Variants in CORO7 observed in about 807,000 individuals in gnomAD.
CORO7 encodes the protein coronin 7, also known as coronin-7.
CORO7 carries 107 observed loss-of-function variants against 126.6 expected under a neutral mutation model. That is an observed-to-expected ratio of 0.85 (90% CI 0.72 to 0.99). The LOEUF (loss-of-function observed/expected upper bound fraction) is 0.99, where lower values mean the gene tolerates loss of function less well. Among genes scored for constraint, CORO7 ranks in the 50% least tolerant of loss-of-function variants. The pLI, the probability that CORO7 is intolerant of heterozygous loss-of-function variation, is 0.00. For synonymous variants in CORO7, 603 were observed against 536.8 expected, an observed-to-expected ratio of 1.12 and a Z score of -1.70; for missense variants, 1,314 against 1,255.8, an observed-to-expected ratio of 1.05 and a Z score of -0.70.
At chr16:4,411,547 T>TA (rs1308445730) in intron 3 of CORO7, among the ~76,000 whole-genome samples, 1 of 152,138 alleles carries the variant, frequency 6.6e-6, no homozygotes, top group Non-Finnish European at 1.5e-5. Context: ...ATATACTTTT[T>TA]AAAAATTTTT....
At chr16:4,415,599 C>T (rs2056379309) in intron 1 of CORO7, 1 of 420,940 alleles carries the variant, frequency 2.4e-6, no homozygotes, top group African/African-American at 2.2e-5. Context: ...AAATATAGTC[C>T]ACACTACAAA....
chr16:4,376,000 G>A (rs1372382375), intron 9 of CORO7, among the ~76,000 whole-genome samples: 1 of 152,212 alleles, frequency 6.6e-6, no homozygotes, highest in Non-Finnish European at 1.5e-5. Context: ...TCTGTGGAAT[G>A]AAGAGCGCCA....
At chr16:4,388,089 G>T (rs1309472159) in intron 8 of CORO7, 21 bp from the exon 9 acceptor site, 1 of 1,602,298 alleles carries the variant, frequency 6.2e-7, no homozygotes, top group Admixed American at 1.7e-5. Context: ...GGCGAGAGAG[G>T]GGCTCAGAGG....
At chr16:4,411,923 T>C (rs904374728) in intron 3 of CORO7, among the ~76,000 whole-genome samples, 1 of 151,970 alleles carries the variant, frequency 6.6e-6, no homozygotes, top group Non-Finnish European at 1.5e-5. Flanking sequence ...AAGGTCTCTT[T>C]GTGAGGGCCC....
rs2054116014 is a variant in CORO7 at position 4,360,155 on chromosome 16, C to T, written c.2108+123G>A. 3.1e-6 allele frequency: 4 copies of T among 1,271,166 alleles called. No homozygotes were observed. The Admixed American group carries it at 8.0e-5, about 26-fold the overall frequency. The allele number at this position is 1,271,166 out of a possible 1,614,324, so 78.7% of individuals were successfully genotyped here. ...CCCACTCATCCAATCATCTACCCAC[C>T]CACCCAACCATCCAGTGAGGGGCAG... On this transcript the variant is annotated intron_variant, in intron 21 of 27. Transcript: ENST00000251166.
At chr16:4,361,648 C>T (rs2141187205) in intron 16 of CORO7, 179 bp from the exon 17 acceptor site, 1 of 840,284 alleles carries the variant, frequency 1.2e-6, no homozygotes, top group Non-Finnish European at 1.9e-6. Flanking sequence ...GTGCCAACCA[C>T]AAGGCCCCAG....
At chr16:4,395,487 T>A in intron 6 of CORO7, 148 bp from the exon 7 acceptor site, 1 of 993,706 alleles carries the variant, frequency 1.0e-6, no homozygotes. Flanking sequence ...GCATCCCTCC[T>A]CAGCCCTGTT....
intron 6 of CORO7, 24 bp downstream of exon 6, chr16:4,405,467 G>T (rs750459812): frequency 4.4e-6 from 7 of 1,608,420 alleles, no homozygotes; most frequent in East Asian, 4.5e-5. Context: ...GAGCCCCACA[G>T]GGCATCCCCA....
rs767505758 is a variant in CORO7 at position 4,407,654 on chromosome 16, G to A, written c.334C>T (p.Gln112Ter). 3.7e-6 allele frequency: 6 copies of A among 1,603,446 alleles called. No homozygotes were observed. The highest frequency in any genetic ancestry group is 3.3e-5 in the South Asian group (3 of 90,170). The change falls in exon 5 of 28, where the codon CAG (glutamine) becomes TAG (stop). Residue 112 changes from glutamine to a stop codon, truncating the protein, a stop_gained. Coordinates refer to ENST00000251166, the MANE Select transcript of CORO7 (RefSeq NM_024535.5). LOFTEE classifies it high-confidence loss of function. ...ACCCCGGGTGCTGAGGGCAGGGCCT[G>A]GCCAGGCCCTGGCAGTCGCCAGAGT... ...VKLWRLPGPG[Q>*]ALPSAPGVVL...
chr16:4,403,551 T>C (rs532495600), intron 6 of CORO7, among the ~76,000 whole-genome samples: 2 of 152,216 alleles, frequency 1.3e-5, no homozygotes, highest in East Asian at 3.9e-4. Context: ...AACTTTAAGC[T>C]CTGGGTTTAG....
At chr16:4,405,624 T>G in intron 5 of CORO7, 57 bp from the exon 6 acceptor site, 9 of 1,537,954 alleles carry the variant, frequency 5.9e-6, no homozygotes, top group Non-Finnish European at 8.0e-6. Flanking sequence ...GGGAAGTGGG[T>G]GGGGGCGGGC....
chr16:4,387,819 C>T (rs987940808), intron 9 of CORO7, 167 bp downstream of exon 9: 10 of 806,794 alleles, frequency 1.2e-5, no homozygotes, highest in East Asian at 8.1e-5. Flanking sequence ...CTGGAAGCTC[C>T]GGGGGTACAG....
At chr16:4,359,247 A>C in intron 23 of CORO7, 49 bp downstream of exon 23, 3 of 1,528,930 alleles carry the variant, frequency 2.0e-6, no homozygotes, top group Non-Finnish European at 2.6e-6. Context: ...ACCAGGGGGC[A>C]GGGCAGCCTT....
intron 9 of CORO7, among the ~76,000 whole-genome samples, chr16:4,375,182 C>T (rs529895291): frequency 8.5e-5 from 13 of 152,310 alleles, no homozygotes; most frequent in African/African-American, 3.1e-4. Flanking sequence ...GGTCTCCCTG[C>T]CCTGGGCTAA....
At chr16:4,406,610 T>C (rs187909389) in intron 5 of CORO7, among the ~76,000 whole-genome samples, 29 of 151,810 alleles carry the variant, frequency 1.9e-4, no homozygotes, top group South Asian at 6.2e-4. Context: ...AAGAAGGTTT[T>C]TTTTTGGTTT....
intron 9 of CORO7, among the ~76,000 whole-genome samples, chr16:4,374,604 G>A (rs1449480021): frequency 1.3e-5 from 2 of 152,170 alleles, no homozygotes; most frequent in Non-Finnish European, 2.9e-5. Flanking sequence ...CCCCGAGCCC[G>A]GCTGGGCATT....
chr16:4,388,776 G>A (rs908258018), intron 7 of CORO7, 145 bp from the exon 8 acceptor site: 16 of 876,474 alleles, frequency 1.8e-5, no homozygotes, highest in South Asian at 1.3e-4. Context: ...CCTTCTCCAC[G>A]TCCCCACTGG....
chr16:4,355,177 C>A lies in CORO7; in HGVS notation c.2773-14G>T. On this transcript the variant is annotated splice_polypyrimidine_tract_variant and intron_variant, in intron 27 of 27. Coordinates refer to ENST00000251166, the MANE Select transcript of CORO7 (RefSeq NM_024535.5). ...CGCAGGCTAGTCCTGGGGCGAAACACCAAGAGGTGGGAGGGAGTCAGGAGG... is the reference window on the plus strand; with the variant it reads ...CGCAGGCTAGTCCTGGGGCGAAACAACAAGAGGTGGGAGGGAGTCAGGAGG... The A allele has an allele frequency of 6.5e-7, 1 of 1,549,788 alleles. No individual in the cohort carries two copies. The highest frequency in any genetic ancestry group is 1.2e-5 in the South Asian group (1 of 81,988).
Position 4,358,121 on chromosome 16 carries a change from G to T in CORO7, c.2458-18C>A. On this transcript the variant is annotated intron_variant, in intron 24 of 27. Coordinates refer to ENST00000251166, the MANE Select transcript of CORO7 (RefSeq NM_024535.5). ...AACTCTTTCTGCAGAGGGAGAAACG[G>T]GCTGTCCTGAGACATTGACCAGGTG... 1 of 1,607,934 alleles carries T rather than the reference G, an allele frequency of 6.2e-7. No individual in the cohort carries two copies. The highest frequency in any genetic ancestry group is 8.5e-7 in the Non-Finnish European group (1 of 1,175,526).
Sources: allele counts gnomAD v4.1 joint callset (sites outside exome capture counted in the v4.1 genomes callset), GRCh38; gene constraint gnomAD v4.1.1; transcripts MANE v1.5; gene names NCBI Gene and HGNC (gene_info 2026-07-23, HGNC 2026-07-21).